Variants in IGF1R observed in about 807,000 individuals in gnomAD.
The protein encoded by IGF1R is insulin-like growth factor 1 receptor.
In IGF1R, 44 loss-of-function variants were observed where a neutral mutation model predicts 144.6. The ratio of observed to expected loss-of-function variants is 0.30; its 90% confidence interval spans 0.24 to 0.39. The LOEUF (loss-of-function observed/expected upper bound fraction) is 0.39. IGF1R is among the 10% of genes least tolerant of loss of function. The pLI is 1.00. For synonymous variants in IGF1R, 795 were observed against 722.8 expected, an observed-to-expected ratio of 1.10 and a Z score of -1.60; for missense variants, 1,355 against 1,833.7, an observed-to-expected ratio of 0.74 and a Z score of 4.77.
At chr15:98,887,499 T>C (rs1408074822) in intron 2 of IGF1R, among the ~76,000 whole-genome samples, 1 of 152,206 alleles carries the variant, frequency 6.6e-6, no homozygotes, top group Non-Finnish European at 1.5e-5. Context: ...ATGTTTTCTT[T>C]AAATTGTCAG....
intron 20 of IGF1R, among the ~76,000 whole-genome samples, chr15:98,949,097 C>T (rs2016671459): frequency 2.0e-5 from 3 of 152,142 alleles, no homozygotes; most frequent in African/African-American, 4.8e-5. Flanking sequence ...ATTCAAGAGC[C>T]CCGCGCCCCA....
At chr15:98,706,922 T>TA (rs1170162632) in intron 1 of IGF1R, among the ~76,000 whole-genome samples, 9 of 93,912 alleles carry the variant, frequency 9.6e-5, no homozygotes, top group East Asian at 2.9e-4. Context: ...CTTTTATTCA[T>TA]AAAAAAATCA....
At position 98,963,532 on chromosome 15, in the gene IGF1R, C is replaced by G. The variant is rs2017309467; in HGVS notation, c.*6090C>G. On this transcript the variant is annotated 3_prime_UTR_variant, in exon 21 of 21. Transcript: ENST00000650285. ...TGTTGGAGCCCAGCAGTGCATGGCACCGTTCGGCATCTGGCTTGATTGGTC... is the reference window on the plus strand; with the variant it reads ...TGTTGGAGCCCAGCAGTGCATGGCAGCGTTCGGCATCTGGCTTGATTGGTC... 2 of 233,148 alleles carry G rather than the reference C, an allele frequency of 8.6e-6. No homozygotes were observed. The highest frequency in any genetic ancestry group is 1.7e-5 in the Non-Finnish European group (2 of 118,072). 14.4% of individuals were successfully genotyped at this position (233,148 alleles called of 1,614,324 possible). A position where few individuals can be genotyped will look rare whatever the true frequency, so the allele number is the denominator to read the frequency against.
intron 2 of IGF1R, among the ~76,000 whole-genome samples, chr15:98,783,128 A>G (rs1391806606): frequency 6.6e-6 from 1 of 152,242 alleles, no homozygotes; most frequent in African/African-American, 2.4e-5. Flanking sequence ...CATTAAAAAA[A>G]TTATTTTGAA....
At chr15:98,666,027 G>T (rs189828927) in intron 1 of IGF1R, among the ~76,000 whole-genome samples, 1 of 152,192 alleles carries the variant, frequency 6.6e-6, no homozygotes, top group Non-Finnish European at 1.5e-5. Flanking sequence ...GGATACTACT[G>T]TTTGCTTTCT....
chr15:98,871,387 A>G (rs1016208648), intron 2 of IGF1R, among the ~76,000 whole-genome samples: 21 of 152,322 alleles, frequency 1.4e-4, no homozygotes, highest in Admixed American at 9.8e-4. Flanking sequence ...CAGCCCAGTA[A>G]TTAATAACAA....
rs774888799 is a variant in IGF1R at position 98,934,942 on chromosome 15, A to G, written c.3075A>G (p.Glu1025=). 2.5e-6 allele frequency: 4 copies of G among 1,614,038 alleles called. No homozygotes were observed. The highest frequency in any genetic ancestry group is 3.4e-6 in the Non-Finnish European group (4 of 1,180,040). ...EGVAKGVVKD[E]PETRVAIKTV... Reference sequence around the variant, plus strand: ...TTGCCAAGGGTGTGGTGAAAGATGAACCTGAAACCAGAGTGGCCATTAAAA... The same window carrying G: ...TTGCCAAGGGTGTGGTGAAAGATGAGCCTGAAACCAGAGTGGCCATTAAAA... The change falls in exon 16 of 21, where the codon GAA becomes GAG. Residue 1025 remains glutamate (E), a synonymous_variant. Coordinates refer to ENST00000650285, the MANE Select transcript of IGF1R (RefSeq NM_000875.5).
intron 10 of IGF1R, among the ~76,000 whole-genome samples, chr15:98,918,466 C>T (rs774816924): frequency 2.0e-4 from 30 of 152,066 alleles, no homozygotes; most frequent in Non-Finnish European, 3.2e-4. Flanking sequence ...TATCTCACTT[C>T]GAGAAATCAG....
intron 20 of IGF1R, among the ~76,000 whole-genome samples, chr15:98,950,967 C>T (rs1249591193): frequency 6.6e-6 from 1 of 152,124 alleles, no homozygotes; most frequent in African/African-American, 2.4e-5. Flanking sequence ...GGCCGGCCAG[C>T]GGAGGGCATG....
chr15:98,671,322 G>A (rs576316274), intron 1 of IGF1R, among the ~76,000 whole-genome samples: 3 of 152,292 alleles, frequency 2.0e-5, no homozygotes, highest in African/African-American at 7.2e-5. Flanking sequence ...TTAGGGTCCC[G>A]AGTCCATTCC....
intron 2 of IGF1R, among the ~76,000 whole-genome samples, chr15:98,827,657 A>G (rs2056918774): frequency 6.6e-6 from 1 of 152,168 alleles, no homozygotes; most frequent in Non-Finnish European, 1.5e-5. Flanking sequence ...ATCTCAGCTC[A>G]CTGCAACCTC....
chr15:98,852,748 T>C (rs1336905989), intron 2 of IGF1R, among the ~76,000 whole-genome samples: 3 of 152,202 alleles, frequency 2.0e-5, no homozygotes, highest in Non-Finnish European at 2.9e-5. Context: ...TGTAAACACG[T>C]TTCCCTCCAT....
Position 98,961,330 on chromosome 15 carries a change from T to A in IGF1R, c.*3888T>A, listed in dbSNP as rs2017217831. On this transcript the variant is annotated 3_prime_UTR_variant, in exon 21 of 21. Transcript: ENST00000650285. ...TACTGATGTCATTTTGTTTTTGTTT[T>A]ATGTAGGTAGCTTTTAAGTAGAAAA... The A allele has an allele frequency of 4.3e-6, 1 of 233,490 alleles. No homozygotes were observed. The highest frequency in any genetic ancestry group is 5.6e-5 in the Admixed American group (1 of 17,778). 14.5% of individuals were successfully genotyped at this position (233,490 alleles called of 1,614,324 possible).
rs1213753009 is a variant in IGF1R at position 98,962,031 on chromosome 15, C to T, written c.*4589C>T. Reference sequence around the variant, plus strand: ...CTATTCTCTGGCACCAGATTCTAGGCCAGTTTGTTCCACTGAAGCTTTTCC... The same window carrying T: ...CTATTCTCTGGCACCAGATTCTAGGTCAGTTTGTTCCACTGAAGCTTTTCC... On this transcript the variant is annotated 3_prime_UTR_variant, in exon 21 of 21. Coordinates refer to ENST00000650285, the MANE Select transcript of IGF1R (RefSeq NM_000875.5). 4.3e-6 allele frequency: 1 copy of T among 233,238 alleles called. No homozygotes were observed. The highest frequency in any genetic ancestry group is 8.5e-6 in the Non-Finnish European group (1 of 118,092). The allele number at this position is 233,238 out of a possible 1,614,324, so 14.4% of individuals were successfully genotyped here. A position where few individuals can be genotyped will look rare whatever the true frequency, so the allele number is the denominator to read the frequency against.
intron 2 of IGF1R, among the ~76,000 whole-genome samples, chr15:98,800,943 G>C (rs1216900970): frequency 6.6e-6 from 1 of 152,248 alleles, no homozygotes; most frequent in Admixed American, 6.5e-5. Flanking sequence ...TGGCAATTCA[G>C]ATTAGACTTT....
At chr15:98,835,525 T>A (rs962910554) in intron 2 of IGF1R, among the ~76,000 whole-genome samples, 1 of 152,228 alleles carries the variant, frequency 6.6e-6, no homozygotes, top group African/African-American at 2.4e-5. Flanking sequence ...ATACCTTTTG[T>A]CCACCCCAAG....
At chr15:98,767,408 A>C (rs1032027467) in intron 2 of IGF1R, among the ~76,000 whole-genome samples, 1 of 152,194 alleles carries the variant, frequency 6.6e-6, no homozygotes, top group African/African-American at 2.4e-5. Flanking sequence ...ATTTTGATAC[A>C]TGAGGCATAA....
Position 98,665,153 on chromosome 15 carries a change from G to A in IGF1R, c.94+15478G>A, listed in dbSNP as rs188376045. ...TTTTTAGTAGAGATGGGGTTTCACC[G>A]TGTTAGCCAGGATGGTCTTGATCTC... On this transcript the variant is annotated intron_variant, in intron 1 of 20. Transcript: ENST00000650285. Among the ~76,000 whole-genome samples the A allele has an allele frequency of 2.6e-3, 393 of 152,150 alleles. 1 individual carries two copies. The highest frequency in any genetic ancestry group is 7.2e-3 in the African/African-American group (297 of 41,522).
intron 2 of IGF1R, among the ~76,000 whole-genome samples, chr15:98,853,420 C>G (rs2011624856): frequency 1.3e-5 from 2 of 152,182 alleles, no homozygotes; most frequent in East Asian, 1.9e-4. Context: ...TGAGGCTTCT[C>G]TGTGTCACAG....
Sources: gnomAD v4.1 joint callset for allele counts (sites outside exome capture counted in the v4.1 genomes callset) on GRCh38, gnomAD v4.1.1 for gene constraint, MANE v1.5 for transcripts, NCBI Gene and HGNC (gene_info 2026-07-23, HGNC 2026-07-21) for gene names.